Variants in EYS observed in about 807,000 individuals in gnomAD.
EYS encodes EGF-like photoreceptor maintenance factor, also known as protein eyes shut homolog.
In EYS, 250 loss-of-function variants were observed where a neutral mutation model predicts 282.1. The ratio of observed to expected loss-of-function variants is 0.89; its 90% CI spans 0.80 to 0.98. The LOEUF (loss-of-function observed/expected upper bound fraction) is 0.98, where lower values mean the gene tolerates loss of function less well. Among genes scored for constraint, EYS ranks in the 50% least tolerant of loss-of-function variants. EYS has a pLI of 0.00. For missense variants in EYS, 4,016 were observed against 3,709.0 expected (o/e 1.08, Z -2.15); for synonymous variants, 1,355 against 1,282.9 (o/e 1.06, Z -1.20).
Position 64,594,865 on chromosome 6 carries a change from TA to T in EYS, c.3685-1557del, listed in dbSNP as rs565154228. Among the ~76,000 whole-genome samples the T allele has an allele frequency of 4.5e-3, 679 of 151,056 alleles. 7 individuals are homozygous for T. The highest frequency in any genetic ancestry group is 0.015 in the African/African-American group (618 of 41,240). On this transcript the variant is annotated intron_variant, in intron 24 of 42. Coordinates refer to ENST00000503581, the MANE Select transcript of EYS (RefSeq NM_001142800.2). ...TAATAATAAAATTTAAAAAATTATA[TA>T]AAAAAAAGAAAAGAACTAACACCAA...
rs377460020 is a variant in EYS, at chr6:65,145,064, C to T, written c.2024-87337G>A. Among the ~76,000 whole-genome samples, 47 of 152,090 alleles carry T rather than the reference C, an allele frequency of 3.1e-4. No homozygotes were observed. In the South Asian group the frequency reaches 9.8e-3, roughly 32 times the overall value. Reference sequence around the variant, plus strand: ...GAGATTACAGGCATGAGCCACAGAGCCCATTTACTCACCTTTTGAAACACA... The same window carrying T: ...GAGATTACAGGCATGAGCCACAGAGTCCATTTACTCACCTTTTGAAACACA... On this transcript the variant is annotated intron_variant, in intron 12 of 42. Transcript: ENST00000503581.
At chr6:65,549,365 T>C (rs1768515353) in intron 2 of EYS, among the ~76,000 whole-genome samples, 1 of 152,340 alleles carries the variant, frequency 6.6e-6, no homozygotes, top group African/African-American at 2.4e-5. Flanking sequence ...TAAAATACTT[T>C]GGCTCTACTT....
chr6:63,726,973 T>C (rs986082443), intron 41 of EYS, among the ~76,000 whole-genome samples: 2 of 152,178 alleles, frequency 1.3e-5, no homozygotes, highest in African/African-American at 2.4e-5. Flanking sequence ...TTGCATTATA[T>C]AGAGGGATCA....
At position 65,026,916 on chromosome 6, in the gene EYS, C is replaced by CAAAAAAAAAA. The variant is rs1260312589; in HGVS notation, c.2138-29223_2138-29214dup. Among the ~76,000 whole-genome samples, 102 of 107,792 alleles carry CAAAAAAAAAA rather than the reference C, an allele frequency of 9.5e-4. 2 individuals are homozygous for CAAAAAAAAAA. Among genetic ancestry groups the CAAAAAAAAAA allele is most frequent in the East Asian group, 3.6e-3 (12 of 3,344 alleles). The allele number at this position is 107,792 out of a possible 152,430, so 70.7% of individuals were successfully genotyped here. A position where few individuals can be genotyped will look rare whatever the true frequency, so the allele number is the denominator to read the frequency against. The stretch of plus-strand genomic sequence containing the variant: ...TGGGCGACAGAGTGAGACTCCGTCT[C>CAAAAAAAAAA]AAAAAAAAAAAAAAGATTCAGATAT... On this transcript the variant is annotated intron_variant, in intron 13 of 42. Coordinates refer to ENST00000503581, the MANE Select transcript of EYS (RefSeq NM_001142800.2).
intron 31 of EYS, among the ~76,000 whole-genome samples, chr6:64,202,564 A>G (rs1453853668): frequency 6.6e-6 from 1 of 152,200 alleles, no homozygotes; most frequent in Non-Finnish European, 1.5e-5. Context: ...AGCATAGATA[A>G]TCGAAAACAG....
intron 40 of EYS, among the ~76,000 whole-genome samples, chr6:63,767,426 A>G (rs1769816414): frequency 6.6e-6 from 1 of 152,122 alleles, no homozygotes; most frequent in African/African-American, 2.4e-5. Flanking sequence ...TAGCATGCCT[A>G]TACACCAATT....
intron 8 of EYS, among the ~76,000 whole-genome samples, chr6:65,382,213 GTT>G (rs67123749): frequency 5.9e-4 from 62 of 105,018 alleles, no homozygotes; most frequent in South Asian, 4.1e-3. Flanking sequence ...ATCCTTTGGT[GTT>G]TTTTTTTTTT....
chr6:65,706,330 T>C (rs1443676548), intron 1 of EYS, among the ~76,000 whole-genome samples: 3 of 151,924 alleles, frequency 2.0e-5, no homozygotes, highest in Non-Finnish European at 4.4e-5. Flanking sequence ...TTACAAATAG[T>C]TCAACATACC....
chr6:65,442,523 G>A (rs960598513), intron 5 of EYS, among the ~76,000 whole-genome samples: 3 of 151,876 alleles, frequency 2.0e-5, no homozygotes, highest in Admixed American at 6.6e-5. Context: ...GGGAGGTCAG[G>A]GGGGCAGATC....
chr6:63,880,536 C>T (rs913085234), intron 35 of EYS, among the ~76,000 whole-genome samples: 2 of 108,386 alleles, frequency 1.8e-5, no homozygotes, highest in Non-Finnish European at 4.3e-5. Context: ...TCTATTCTGT[C>T]CCTTTATGGA....
intron 24 of EYS, among the ~76,000 whole-genome samples, chr6:64,594,744 G>T (rs1372517297): frequency 6.6e-6 from 1 of 151,222 alleles, no homozygotes. Context: ...AATGCTAAAT[G>T]ACGAGTTAAT....
chr6:64,703,936 T>A (rs1770883345), intron 22 of EYS, among the ~76,000 whole-genome samples: 1 of 152,152 alleles, frequency 6.6e-6, no homozygotes. Flanking sequence ...GAATACAAAA[T>A]ATGCACATTG....
At chr6:64,532,746 T>G (rs2149794356) in intron 26 of EYS, among the ~76,000 whole-genome samples, 1 of 152,112 alleles carries the variant, frequency 6.6e-6, no homozygotes, top group African/African-American at 2.4e-5. Context: ...TTAAATATTC[T>G]GAGGAGAAAA....
intron 28 of EYS, among the ~76,000 whole-genome samples, chr6:64,390,433 G>T (rs954050238): frequency 3.9e-5 from 6 of 151,974 alleles, no homozygotes; most frequent in African/African-American, 9.7e-5. Flanking sequence ...ATCTCAGAAC[G>T]GGCAGACTGC....
intron 2 of EYS, among the ~76,000 whole-genome samples, chr6:65,552,316 T>C (rs927313823): frequency 2.0e-5 from 3 of 152,212 alleles, no homozygotes; most frequent in African/African-American, 7.2e-5. Context: ...TAAGCAAAAG[T>C]GATCCATCTT....
At chr6:65,267,213 G>A (rs888021315) in intron 12 of EYS, among the ~76,000 whole-genome samples, 1 of 151,540 alleles carries the variant, frequency 6.6e-6, no homozygotes, top group Admixed American at 6.6e-5. Context: ...ATTATGATTG[G>A]GTAAAATATT....
chr6:64,665,771 T>A (rs1362770943), intron 22 of EYS, among the ~76,000 whole-genome samples: 5 of 152,212 alleles, frequency 3.3e-5, no homozygotes, highest in African/African-American at 1.2e-4. Context: ...GAGAAAGCTA[T>A]GCTCTTACTG....
intron 10 of EYS, among the ~76,000 whole-genome samples, chr6:65,338,556 G>A (rs1770079459): frequency 1.3e-5 from 2 of 150,834 alleles, no homozygotes; most frequent in Admixed American, 1.3e-4. Context: ...CAGGTCAACT[G>A]TATATATATT....
At chr6:65,522,016 T>A (rs1368643556) in intron 2 of EYS, among the ~76,000 whole-genome samples, 3 of 152,192 alleles carry the variant, frequency 2.0e-5, no homozygotes, top group Non-Finnish European at 4.4e-5. Context: ...TTCCTGTGGG[T>A]CTCTTCTTAC....
Sources: gnomAD v4.1 joint callset for allele counts (sites outside exome capture counted in the v4.1 genomes callset) on GRCh38, gnomAD v4.1.1 for gene constraint, MANE v1.5 for transcripts, NCBI Gene and HGNC (gene_info 2026-07-23, HGNC 2026-07-21) for gene names.